Variants in NOP14 observed in about 807,000 individuals in gnomAD.
NOP14 encodes nucleolar protein 14.
A neutral mutation model predicts 101.6 loss-of-function variants in NOP14; 57 were observed. The ratio of observed to expected loss-of-function variants is 0.56; its 90% CI spans 0.45 to 0.70. NOP14 has a LOEUF of 0.70. Among genes scored for constraint, NOP14 ranks in the 30% least tolerant of loss-of-function variants. NOP14 has a pLI of 0.00. For missense variants in NOP14, 1,134 were observed against 1,075.5 expected (o/e 1.05, Z -0.76); for synonymous variants, 428 against 424.0 (o/e 1.01, Z -0.12).
intron 10 of NOP14, 22 bp from the exon 11 acceptor site, chr4:2,946,569 T>A: frequency 1.2e-6 from 2 of 1,612,988 alleles, no homozygotes; most frequent in African/African-American, 2.7e-5. Flanking sequence ...AAATGTAAAG[T>A]CAGGAGAGAA....
Position 2,963,137 on chromosome 4 carries a change from C to G in NOP14, c.183G>C (p.Arg61=). The change falls in exon 1 of 18, where the codon CGG becomes CGC. Residue 61 remains arginine, a synonymous_variant. Transcript: ENST00000416614. The stretch of plus-strand genomic sequence containing the variant: ...GCCCCCCGCTTACCTTCCTGAGGGC[C>G]CGTGCGCGAGACACCCCGGGCAGTC... ...DVGLPGVSRA[R]ALRKRTQTLL... is the part of the protein sequence containing the mutation. The G allele has an allele frequency of 1.3e-6, 2 of 1,563,144 alleles. No individual in the cohort carries two copies. The highest frequency in any genetic ancestry group is 2.3e-5 in the South Asian group (2 of 86,366).
At chr4:2,940,067 G>A (rs536086481) in intron 15 of NOP14, among the ~76,000 whole-genome samples, 8 of 152,344 alleles carry the variant, frequency 5.3e-5, no homozygotes, top group South Asian at 4.1e-4. Flanking sequence ...CCTTTCTGCC[G>A]CGGGGGGCCG....
rs1462740729 is a variant in NOP14 at position 2,941,575 on chromosome 4, G to T, written c.2199+7C>A. 1.9e-6 allele frequency: 3 copies of T among 1,610,632 alleles called. No individual in the cohort carries two copies. Among genetic ancestry groups the T allele is most frequent in the Non-Finnish European group, 2.5e-6 (3 of 1,179,392 alleles). ...GGCAGAGCACCCTAGTGGCCGGGAA[G>T]CCTCACCTGGAGCTCCTGCGGGTGG... On this transcript the variant is annotated splice_region_variant and intron_variant, in intron 15 of 17. Transcript: ENST00000416614.
Position 2,954,462 on chromosome 4 carries a change from G to A in NOP14, c.574C>T (p.Leu192=), listed in dbSNP as rs753758109. 1.2e-6 allele frequency: 2 copies of A among 1,614,154 alleles called. No homozygotes were observed. The highest frequency in any genetic ancestry group is 1.7e-6 in the Non-Finnish European group (2 of 1,180,016). The change falls in exon 4 of 18, where the codon CTG becomes TTG. Residue 192 remains leucine (L), a synonymous_variant. Coordinates refer to ENST00000416614, the MANE Select transcript of NOP14 (RefSeq NM_001291978.2). The part of the protein sequence containing the change: ...EREKPKSRKE[L]IEELIAKSKQ... ...GACTTGGCAATGAGCTCTTCAATCA[G>A]CTCTTTCCGGGACTTCGGTTTCTCC...
rs1714246534 is a variant in NOP14 at position 2,942,115 on chromosome 4, CAGAA to C, written c.2051+73_2051+76del. The C allele has an allele frequency of 2.0e-6, 3 of 1,468,004 alleles. No homozygotes were observed. In the South Asian group the frequency reaches 3.9e-5, roughly 19 times the overall value. 90.9% of individuals were successfully genotyped at this position (1,468,004 alleles called of 1,614,324 possible). A position where few individuals can be genotyped will look rare whatever the true frequency, so the allele number is the denominator to read the frequency against. On this transcript the variant is annotated intron_variant, in intron 14 of 17. Coordinates refer to ENST00000416614, the MANE Select transcript of NOP14 (RefSeq NM_001291978.2). ...GGCAAGTTCACTAAGAACAGCACAT[CAGAA>C]AGCACGAGTGGCTTCTCCTGCCTCT...
intron 1 of NOP14, chr4:2,961,730 T>C (rs1715942280): frequency 6.6e-6 from 1 of 152,262 alleles, no homozygotes; most frequent in African/African-American, 2.4e-5. Context: ...TCTAGAAGAA[T>C]TTTTGGACTT....
At chr4:2,962,937 C>G (rs375536873) in intron 1 of NOP14, among the ~76,000 whole-genome samples, 188 bp downstream of exon 1, 1 of 152,172 alleles carries the variant, frequency 6.6e-6, no homozygotes, top group Non-Finnish European at 1.5e-5. Context: ...TCCAAGACGG[C>G]GAGAGTTTCC....
chr4:2,959,571 CGACA>C (rs1288542602), intron 1 of NOP14, among the ~76,000 whole-genome samples: 13 of 147,130 alleles, frequency 8.8e-5, no homozygotes, highest in Middle Eastern at 3.4e-3. Flanking sequence ...CCAGCCTGGG[CGACA>C]GACAAAGACT....
In NOP14 at chr4:2,951,169, T is replaced by A. The variant is rs776045972; in HGVS notation, c.947A>T (p.Asp316Val). 4 of 1,613,792 alleles carry A rather than the reference T, an allele frequency of 2.5e-6. No individual in the cohort carries two copies. Among genetic ancestry groups the A allele is most frequent in the Middle Eastern group, 1.6e-4 (1 of 6,084 alleles). Reference sequence around the variant, plus strand: ...ATCTAGCACGAAGCCATCATTCAGATCATCTGCTGACATATGTTTTGGTTT... The same window carrying A: ...ATCTAGCACGAAGCCATCATTCAGAACATCTGCTGACATATGTTTTGGTTT... ...VKKPKHMSAD[D>V]LNDGFVLDKD... The change falls in exon 7 of 18, where the codon GAT becomes GTT. Residue 316 changes from aspartate to valine, a missense_variant. Coordinates refer to ENST00000416614, the MANE Select transcript of NOP14 (RefSeq NM_001291978.2).
intron 11 of NOP14, among the ~76,000 whole-genome samples, 165 bp from the exon 12 acceptor site, chr4:2,945,394 G>A (rs990893588): frequency 6.6e-6 from 1 of 152,142 alleles, no homozygotes; most frequent in Non-Finnish European, 1.5e-5. Flanking sequence ...TCCAACCACC[G>A]TGGGTCAACC....
rs755309399 is a variant in NOP14 at position 2,950,033 on chromosome 4, G to C, written c.1183C>G (p.Pro395Ala). ...GGAGTCTGCCTCTGCTCTTTTGCTG[G>C]CTTCTCGTTTTCTTCCTCACTCTCC... ...NVESEEENEKPAKEQRQTPGK... is the reference protein window; with the variant it reads ...NVESEEENEKAAKEQRQTPGK... The change falls in exon 8 of 18, where the codon CCA (proline) becomes GCA (alanine). Residue 395 changes from proline to alanine, a missense_variant. Coordinates refer to ENST00000416614, the MANE Select transcript of NOP14 (RefSeq NM_001291978.2). 5 of 1,614,122 alleles carry C rather than the reference G, an allele frequency of 3.1e-6. No homozygotes were observed. The Admixed American group carries it at 8.3e-5, about 27-fold the overall frequency.
At chr4:2,962,903 C>A (rs1716194199) in intron 1 of NOP14, among the ~76,000 whole-genome samples, 4 of 152,126 alleles carry the variant, frequency 2.6e-5, no homozygotes, top group Non-Finnish European at 5.9e-5. Flanking sequence ...GGAGGAGTCG[C>A]CGAAATAACA....
In NOP14 at chr4:2,960,663, T is replaced by C. The variant is rs148403536; in HGVS notation, c.195+2462A>G. Among the ~76,000 whole-genome samples, 407 of 137,094 alleles carry C rather than the reference T, an allele frequency of 3.0e-3. 1 individual carries two copies. The highest frequency in any genetic ancestry group is 0.011 in the African/African-American group (396 of 35,740). 89.9% of individuals were successfully genotyped at this position (137,094 alleles called of 152,430 possible). A position where few individuals can be genotyped will look rare whatever the true frequency, so the allele number is the denominator to read the frequency against. ...TATTATTAATATAGTTACTATATATTATTATATTAATATTATATTAATATT... is the reference window on the plus strand; with the variant it reads ...TATTATTAATATAGTTACTATATATCATTATATTAATATTATATTAATATT... On this transcript the variant is annotated intron_variant, in intron 1 of 17. Coordinates refer to ENST00000416614, the MANE Select transcript of NOP14 (RefSeq NM_001291978.2).
chr4:2,948,070 G>A (rs376992004), intron 9 of NOP14, among the ~76,000 whole-genome samples: 5 of 152,362 alleles, frequency 3.3e-5, no homozygotes, highest in South Asian at 4.1e-4. Context: ...GGTCTGGCAC[G>A]AGGCCTAGAG....
intron 1 of NOP14, 42 bp from the exon 2 acceptor site, chr4:2,957,782 G>T (rs751616449): frequency 5.6e-6 from 9 of 1,605,150 alleles, no homozygotes; most frequent in Non-Finnish European, 7.7e-6. Context: ...AAATTCTTGT[G>T]ATTTCCACTA....
At chr4:2,954,756 ACT>A (rs1346371406) in intron 3 of NOP14, among the ~76,000 whole-genome samples, 193 bp from the exon 4 acceptor site, 1 of 152,142 alleles carries the variant, frequency 6.6e-6, no homozygotes, top group Non-Finnish European at 1.5e-5. Context: ...AAGGTAAGCC[ACT>A]CTGAGAAAAC....
At position 2,938,277 on chromosome 4, in the gene NOP14, T is replaced by C. The variant is rs957746760; in HGVS notation, c.*554A>G. On this transcript the variant is annotated 3_prime_UTR_variant, in exon 18 of 18. Transcript: ENST00000416614. ...TGGGTGCTGTGGCTCACACCTATAA[T>C]TGGGGGGCCAAGGCAGGTGGATTAC... The C allele has an allele frequency of 7.2e-6, 9 of 1,244,780 alleles. No individual in the cohort carries two copies. The highest frequency in any genetic ancestry group is 1.1e-4 in the East Asian group (2 of 17,736). The allele number at this position is 1,244,780 out of a possible 1,614,324, so 77.1% of individuals were successfully genotyped here.
intron 11 of NOP14, among the ~76,000 whole-genome samples, chr4:2,945,790 T>A (rs577320220): frequency 5.9e-5 from 9 of 152,326 alleles, no homozygotes; most frequent in African/African-American, 1.7e-4. Flanking sequence ...TTCCAATGTT[T>A]TTGTCACTGG....
chr4:2,955,142 G>C (rs1577845708), intron 3 of NOP14, among the ~76,000 whole-genome samples: 1 of 113,406 alleles, frequency 8.8e-6, no homozygotes, highest in Non-Finnish European at 1.8e-5. Flanking sequence ...CTAGTCACCT[G>C]CACCCCACGG....
Sources: gnomAD v4.1 joint callset for allele counts (sites outside exome capture counted in the v4.1 genomes callset) on GRCh38, gnomAD v4.1.1 for gene constraint, MANE v1.5 for transcripts, NCBI Gene and HGNC (gene_info 2026-07-23, HGNC 2026-07-21) for gene names.